Variants in RAB15 observed in about 807,000 individuals in gnomAD.
The protein encoded by RAB15 is ras-related protein Rab-15.
RAB15 carries 13 observed loss-of-function variants against 31.8 expected under a neutral mutation model. The observed-to-expected ratio is 0.41, with a 90% CI of 0.27 to 0.65. The LOEUF is 0.65. Ranked by LOEUF, RAB15 falls within the 30% of genes least tolerant of loss-of-function variation. The pLI is 0.32. For missense variants in RAB15, 220 were observed against 277.3 expected, an observed-to-expected ratio of 0.79 and a Z score of 1.47; for synonymous variants, 100 against 105.6, an observed-to-expected ratio of 0.95 and a Z score of 0.33.
intron 1 of RAB15, among the ~76,000 whole-genome samples, chr14:64,960,398 A>T (rs1249618029): frequency 6.6e-6 from 1 of 152,214 alleles, no homozygotes; most frequent in East Asian, 1.9e-4. Flanking sequence ...GCCTCCCTAG[A>T]AAGCCCTAGA....
Position 64,950,325 on chromosome 14 carries a change from C to G in RAB15, c.414G>C (p.Gln138His). 1 of 1,613,796 alleles carries G rather than the reference C, an allele frequency of 6.2e-7. No homozygotes were observed. The highest frequency in any genetic ancestry group is 1.1e-5 in the South Asian group (1 of 91,076). Residue 138 changes from glutamine to histidine, a missense_variant and splice_region_variant, in exon 5 of 7, where the codon CAG becomes CAC. Transcript: ENST00000533601. The surrounding 1 kb of genome is among the most constrained non-coding windows in gnomAD (Gnocchi z 5.6). ...GGACTTGCCTTTTCCCTCCACTTAC[C>G]TGCTGCCCTTGCTCTCTTCCCACCT... ...KRQVGREQGQ[Q>H]LAKEYGMDFY... is the part of the protein sequence containing the mutation.
At position 64,958,386 on chromosome 14, in the gene RAB15, T is replaced by C. The variant is rs1238195761; in HGVS notation, c.125-5815A>G. Among the ~76,000 whole-genome samples the C allele has an allele frequency of 6.6e-6, 1 of 152,180 alleles. No homozygotes were observed. Among genetic ancestry groups the C allele is most frequent in the Admixed American group, 6.5e-5 (1 of 15,284 alleles). Reference sequence around the variant, plus strand: ...TGTTCCCTCTTCTGCCATGTGAGGATGGAGCTAGAAGGTGCCACCTTTGTC... The same window carrying C: ...TGTTCCCTCTTCTGCCATGTGAGGACGGAGCTAGAAGGTGCCACCTTTGTC... On this transcript the variant is annotated intron_variant, in intron 1 of 6. Coordinates refer to ENST00000533601, the MANE Select transcript of RAB15 (RefSeq NM_001308154.2). This position sits in a 1 kb window ranked among gnomAD's most constrained non-coding sequence, Gnocchi z 4.4.
rs1314088743 is a variant in RAB15 at position 64,954,855 on chromosome 14, T to G, written c.125-2284A>C. Among the ~76,000 whole-genome samples the G allele has an allele frequency of 1.3e-5, 2 of 152,128 alleles. No homozygotes were observed. Among genetic ancestry groups the G allele is most frequent in the African/African-American group, 4.8e-5 (2 of 41,414 alleles). Reference sequence around the variant, plus strand: ...TGCCTGTGGGTGCCTGAGAAGGACTTTGCTAGGAGAGGAACTTCCAATATT... The same window carrying G: ...TGCCTGTGGGTGCCTGAGAAGGACTGTGCTAGGAGAGGAACTTCCAATATT... On this transcript the variant is annotated intron_variant, in intron 1 of 6. Coordinates refer to ENST00000533601, the MANE Select transcript of RAB15 (RefSeq NM_001308154.2). The surrounding 1 kb of genome is among the most constrained non-coding windows in gnomAD (Gnocchi z 4.3).
At position 64,971,284 on chromosome 14, in the gene RAB15, T is replaced by C. The variant is rs1280513069; in HGVS notation, c.124+669A>G. 6.6e-6 allele frequency among the ~76,000 whole-genome samples: 1 copy of C among 152,216 alleles called. No homozygotes were observed. Among genetic ancestry groups the C allele is most frequent in the Non-Finnish European group, 1.5e-5 (1 of 68,032 alleles). ...GAGATGCCCTCAGGCGGGTCCTGCC[T>C]GCCTTCTGACCCCTTGGTCTGGGCA... On this transcript the variant is annotated intron_variant, in intron 1 of 6. Coordinates refer to ENST00000533601, the MANE Select transcript of RAB15 (RefSeq NM_001308154.2). This position sits in a 1 kb window ranked among gnomAD's most constrained non-coding sequence, Gnocchi z 4.1.
chr14:64,951,210 C>A lies in RAB15; in HGVS notation c.247-59G>T. On this transcript the variant is annotated intron_variant, in intron 3 of 6. Coordinates refer to ENST00000533601, the MANE Select transcript of RAB15 (RefSeq NM_001308154.2). This position sits in a 1 kb window ranked among gnomAD's most constrained non-coding sequence, Gnocchi z 7.2. ...CACAGAGAGAGTGCAGTCATGGGGC[C>A]AGAAGGGGCCGTGGAAACTTAAAGG... 7.1e-7 allele frequency: 1 copy of A among 1,409,784 alleles called. No individual in the cohort carries two copies. The highest frequency in any genetic ancestry group is 9.9e-7 in the Non-Finnish European group (1 of 1,008,350). 87.3% of individuals were successfully genotyped at this position (1,409,784 alleles called of 1,614,324 possible).
In RAB15 at chr14:64,953,833, G is replaced by A; in HGVS notation, c.125-1262C>T. On this transcript the variant is annotated intron_variant, in intron 1 of 6. Coordinates refer to ENST00000533601, the MANE Select transcript of RAB15 (RefSeq NM_001308154.2). The surrounding 1 kb of genome is among the most constrained non-coding windows in gnomAD (Gnocchi z 4.6). Reference sequence around the variant, plus strand: ...GCAAGGTCAGGAGTGGGCATGATCAGCCACAGTTTTCAGATGGGAACATGG... The same window carrying A: ...GCAAGGTCAGGAGTGGGCATGATCAACCACAGTTTTCAGATGGGAACATGG... 1 of 985,370 alleles carries A rather than the reference G, an allele frequency of 1.0e-6. No homozygotes were observed. The allele number at this position is 985,370 out of a possible 1,614,324, so 61.0% of individuals were successfully genotyped here.
chr14:64,954,667 G>A lies in RAB15; in HGVS notation c.125-2096C>T, dbSNP rs57674166. 0.079 allele frequency: 26,436 copies of A among 334,338 alleles called. 1,135 individuals carry two copies. Among genetic ancestry groups the A allele is most frequent in the Middle Eastern group, 0.1 (70 of 682 alleles). The allele number at this position is 334,338 out of a possible 1,614,324, so 20.7% of individuals were successfully genotyped here. A position where few individuals can be genotyped will look rare whatever the true frequency, so the allele number is the denominator to read the frequency against. Reference sequence around the variant, plus strand: ...TGGAAAGGAAACAAGGGCTCAGAGAGGTCAATGGCTAGCCAGGGTCAGCAC... The same window carrying A: ...TGGAAAGGAAACAAGGGCTCAGAGAAGTCAATGGCTAGCCAGGGTCAGCAC... On this transcript the variant is annotated intron_variant, in intron 1 of 6. Transcript: ENST00000533601. This position sits in a 1 kb window ranked among gnomAD's most constrained non-coding sequence, Gnocchi z 4.3.
rs1887383399 is a variant in RAB15 at position 64,970,903 on chromosome 14, G to T, written c.124+1050C>A. ...AGGAATGTGTGTTGGGGGGAGGGGGGATGGTGTGGACATGAATCCTCAAGA... is the reference window on the plus strand; with the variant it reads ...AGGAATGTGTGTTGGGGGGAGGGGGTATGGTGTGGACATGAATCCTCAAGA... On this transcript the variant is annotated intron_variant, in intron 1 of 6. Transcript: ENST00000533601. The surrounding 1 kb of genome is among the most constrained non-coding windows in gnomAD (Gnocchi z 4.1). Among the ~76,000 whole-genome samples, 1 of 152,120 alleles carries T rather than the reference G, an allele frequency of 6.6e-6. No individual in the cohort carries two copies. The highest frequency in any genetic ancestry group is 2.1e-4 in the South Asian group (1 of 4,826).
rs1885937747 is a variant in RAB15, at chr14:64,946,669, A to AGT, written c.*1683_*1684dup. ...CCACTTCTTTTTGGAGGAGTAAGGA[A>AGT]GTGAGGTTCTTATCCTTCACATATG... On this transcript the variant is annotated 3_prime_UTR_variant, in exon 7 of 7. Transcript: ENST00000533601. The AGT allele has an allele frequency of 6.6e-6, 1 of 152,168 alleles. No individual in the cohort carries two copies. 9.4% of individuals were successfully genotyped at this position (152,168 alleles called of 1,614,324 possible). A position where few individuals can be genotyped will look rare whatever the true frequency, so the allele number is the denominator to read the frequency against.
At chr14:64,960,661 T>C (rs1436686744) in intron 1 of RAB15, among the ~76,000 whole-genome samples, 1 of 152,110 alleles carries the variant, frequency 6.6e-6, no homozygotes, top group African/African-American at 2.4e-5. Flanking sequence ...CACGCAGAAC[T>C]TTATTAAATG....
Position 64,969,369 on chromosome 14 carries a change from T to C in RAB15, c.124+2584A>G, listed in dbSNP as rs146624302. ...TGTCCATATCACTTAAGGAAAAAGCTTTTCTTGACCATCCAACTCTTTCCT... is the reference window on the plus strand; with the variant it reads ...TGTCCATATCACTTAAGGAAAAAGCCTTTCTTGACCATCCAACTCTTTCCT... On this transcript the variant is annotated intron_variant, in intron 1 of 6. Transcript: ENST00000533601. 1.9e-3 allele frequency among the ~76,000 whole-genome samples: 292 copies of C among 152,338 alleles called. 1 individual carries two copies. Among genetic ancestry groups the C allele is most frequent in the African/African-American group, 6.7e-3 (279 of 41,584 alleles).
At chr14:64,957,517 T>C (rs1233737009) in intron 1 of RAB15, among the ~76,000 whole-genome samples, 4 of 152,204 alleles carry the variant, frequency 2.6e-5, no homozygotes, top group Non-Finnish European at 1.5e-5. Flanking sequence ...TTCTCAGGAC[T>C]CGCCCAGCCC....
intron 1 of RAB15, among the ~76,000 whole-genome samples, chr14:64,967,620 C>T (rs1887208764): frequency 1.3e-5 from 2 of 151,604 alleles, no homozygotes. Flanking sequence ...AGAAAACCAA[C>T]AACTCCTGAG....
rs188741827 is a variant in RAB15 at position 64,967,271 on chromosome 14, G to A, written c.124+4682C>T. ...GGGACTAGGTGACAGGTCTACTCAGGGAAGACTAAGGATGGGAGGGAGAAA... is the reference window on the plus strand; with the variant it reads ...GGGACTAGGTGACAGGTCTACTCAGAGAAGACTAAGGATGGGAGGGAGAAA... On this transcript the variant is annotated intron_variant, in intron 1 of 6. Transcript: ENST00000533601. Among the ~76,000 whole-genome samples, 19 of 152,264 alleles carry A rather than the reference G, an allele frequency of 1.2e-4. No individual in the cohort carries two copies. In the East Asian group the frequency reaches 2.9e-3, roughly 23 times the overall value.
At chr14:64,964,701 G>A (rs1181387315) in intron 1 of RAB15, among the ~76,000 whole-genome samples, 1 of 151,308 alleles carries the variant, frequency 6.6e-6, no homozygotes, top group Non-Finnish European at 1.5e-5. Flanking sequence ...TCAGCCTCCC[G>A]AGTAGCTAGG....
rs998722547 is a variant in RAB15, at chr14:64,946,624, A to G, written c.*1730T>C. 6.6e-6 allele frequency: 1 copy of G among 152,220 alleles called. No individual in the cohort carries two copies. Among genetic ancestry groups the G allele is most frequent in the African/African-American group, 2.4e-5 (1 of 41,456 alleles). 9.4% of individuals were successfully genotyped at this position (152,220 alleles called of 1,614,324 possible). A position where few individuals can be genotyped will look rare whatever the true frequency, so the allele number is the denominator to read the frequency against. Reference sequence around the variant, plus strand: ...TTCCTGGTTTGGTAAGTCAGGAGGAAAGGTTTGATGGTTCTTTCCCCACTT... The same window carrying G: ...TTCCTGGTTTGGTAAGTCAGGAGGAGAGGTTTGATGGTTCTTTCCCCACTT... On this transcript the variant is annotated 3_prime_UTR_variant, in exon 7 of 7. Transcript: ENST00000533601.
At chr14:64,966,883 C>G (rs1403090977) in intron 1 of RAB15, among the ~76,000 whole-genome samples, 1 of 152,186 alleles carries the variant, frequency 6.6e-6, no homozygotes, top group Non-Finnish European at 1.5e-5. Flanking sequence ...AGACCCAGCC[C>G]TGACCCTCTC....
chr14:64,964,180 A>G (rs917779507), intron 1 of RAB15, among the ~76,000 whole-genome samples: 29 of 152,310 alleles, frequency 1.9e-4, no homozygotes, highest in Admixed American at 9.8e-4. Context: ...ATATCTAGAG[A>G]AAAGATGGGC....
At chr14:64,959,222 A>G (rs930528725) in intron 1 of RAB15, among the ~76,000 whole-genome samples, 2 of 152,218 alleles carry the variant, frequency 1.3e-5, no homozygotes, top group African/African-American at 4.8e-5. Flanking sequence ...GGTCCAGACC[A>G]GACTCCAAGT....
Sources: gnomAD v4.1 joint callset for allele counts (sites outside exome capture counted in the v4.1 genomes callset) on GRCh38, gnomAD v4.1.1 for gene constraint, Gnocchi (gnomAD v3.1) non-coding constraint, MANE v1.5 for transcripts, NCBI Gene and HGNC (gene_info 2026-07-23, HGNC 2026-07-21) for gene names.